COL9A1: variants seen among roughly 807,000 people sequenced by gnomAD.
COL9A1 encodes the protein collagen type IX alpha 1 chain.
In COL9A1, 104 loss-of-function variants were observed where a neutral mutation model predicts 142.6. The observed-to-expected ratio is 0.73, with a 90% CI of 0.62 to 0.86. The LOEUF is 0.86. COL9A1 is among the 40% of genes least tolerant of loss of function. The pLI, the probability that COL9A1 is intolerant of heterozygous loss-of-function variation, is 0.00. For missense variants in COL9A1, 1,210 were observed against 1,176.6 expected, an observed-to-expected ratio of 1.03 and a Z score of -0.42; for synonymous variants, 466 against 396.0, an observed-to-expected ratio of 1.18 and a Z score of -2.10.
At chr6:70,270,391 A>C (rs367774380) in intron 14 of COL9A1, 24 bp from the exon 15 acceptor site, 54 of 1,610,560 alleles carry the variant, frequency 3.4e-5, no homozygotes, top group Non-Finnish European at 4.2e-5. Context: ...AAATTGCGAC[A>C]CAGTGGTTAT....
Position 70,303,014 on chromosome 6 carries a change from T to C in COL9A1, c.-90A>G. 1 of 1,364,986 alleles carries C rather than the reference T, an allele frequency of 7.3e-7. No individual in the cohort carries two copies. The highest frequency in any genetic ancestry group is 1.0e-6 in the Non-Finnish European group (1 of 953,222). The allele number at this position is 1,364,986 out of a possible 1,614,324, so 84.6% of individuals were successfully genotyped here. A position where few individuals can be genotyped will look rare whatever the true frequency, so the allele number is the denominator to read the frequency against. ...TGTCCCCTCACGACCCCTTCACTGTTACCCTAGGACTATGTGTTCTGGGCC... is the reference window on the plus strand; with the variant it reads ...TGTCCCCTCACGACCCCTTCACTGTCACCCTAGGACTATGTGTTCTGGGCC... On this transcript the variant is annotated 5_prime_UTR_variant, in exon 1 of 38. Transcript: ENST00000357250.
At chr6:70,290,922 C>A (rs1055592369) in intron 5 of COL9A1, among the ~76,000 whole-genome samples, 1 of 152,008 alleles carries the variant, frequency 6.6e-6, no homozygotes, top group East Asian at 1.9e-4. Context: ...AAATTTCTAA[C>A]ATAGTAATAT....
chr6:70,251,088 C>T (rs78544867), intron 28 of COL9A1, among the ~76,000 whole-genome samples: 7,218 of 152,186 alleles, frequency 0.047, 358 homozygotes, highest in East Asian at 0.14. Context: ...TTCAAATGTC[C>T]ATCACCCAAT....
In COL9A1 at chr6:70,270,361, G is replaced by C; in HGVS notation, c.1150C>G (p.Pro384Ala). ...ELGRVGPVGDPGRRGPPGPPG... is the reference protein window; with the variant it reads ...ELGRVGPVGDAGRRGPPGPPG... ...GGGCCAGGTGGTCCTCTTCTCCCAG[G>C]GTCACCCTAAGTTATTTGAAAATTG... is the stretch of plus-strand genomic sequence containing the variant. Residue 384 changes from proline (P) to alanine (A), a missense_variant, in exon 15 of 38, where the codon CCT (proline) becomes GCT (alanine). Transcript: ENST00000357250. 6.2e-7 allele frequency: 1 copy of C among 1,613,432 alleles called. No homozygotes were observed. Among genetic ancestry groups the C allele is most frequent in the Non-Finnish European group, 8.5e-7 (1 of 1,179,718 alleles).
chr6:70,283,515 T>C (rs527292204), intron 6 of COL9A1, among the ~76,000 whole-genome samples: 1 of 152,194 alleles, frequency 6.6e-6, no homozygotes, highest in East Asian at 1.9e-4. Context: ...CACCCGCAGG[T>C]GGTTTCTACC....
chr6:70,229,111 C>A (rs1038024255), intron 36 of COL9A1, among the ~76,000 whole-genome samples: 7 of 152,078 alleles, frequency 4.6e-5, no homozygotes, highest in African/African-American at 1.7e-4. Context: ...GGACTAAGAC[C>A]AGTGTCTTTG....
intron 36 of COL9A1, among the ~76,000 whole-genome samples, chr6:70,232,347 C>G (rs1333352623): frequency 6.6e-6 from 1 of 152,088 alleles, no homozygotes; most frequent in African/African-American, 2.4e-5. Context: ...AAGATCAGTC[C>G]TAAAAGACAC....
intron 36 of COL9A1, among the ~76,000 whole-genome samples, chr6:70,229,600 CTGTT>C (rs550360204): frequency 1.3e-5 from 2 of 152,136 alleles, no homozygotes; most frequent in Non-Finnish European, 2.9e-5. Flanking sequence ...ATTGCAGTGT[CTGTT>C]TGATTCACAC....
intron 19 of COL9A1, among the ~76,000 whole-genome samples, chr6:70,262,121 A>T (rs556346326): frequency 7.2e-5 from 11 of 151,988 alleles, no homozygotes; most frequent in Admixed American, 5.9e-4. Flanking sequence ...CTTTTATAAA[A>T]TTTTTTTAAA....
chr6:70,259,324 G>A (rs778780863), intron 20 of COL9A1, among the ~76,000 whole-genome samples: 1 of 152,110 alleles, frequency 6.6e-6, no homozygotes, highest in Non-Finnish European at 1.5e-5. Context: ...ATTAACCATA[G>A]AAGTTATAAA....
intron 35 of COL9A1, 66 bp downstream of exon 35, chr6:70,234,473 C>T: frequency 2.0e-6 from 3 of 1,536,606 alleles, no homozygotes; most frequent in Non-Finnish European, 2.7e-6. Context: ...TGTGTATCTA[C>T]AAGAATAAAA....
intron 4 of COL9A1, among the ~76,000 whole-genome samples, chr6:70,295,913 T>C (rs1484840640): frequency 6.6e-6 from 1 of 152,194 alleles, no homozygotes; most frequent in Non-Finnish European, 1.5e-5. Flanking sequence ...CTAATGAATT[T>C]TCTGTGCTAA....
rs776065464 is a variant in COL9A1 at position 70,294,279 on chromosome 6, A to G, written c.584T>C (p.Phe195Ser). ...AGATTCAATCCTGTTGCAGTCAACAAAAAGAGTAGCACTACTCCTCTCCAC... is the reference window on the plus strand; with the variant it reads ...AGATTCAATCCTGTTGCAGTCAACAGAAAGAGTAGCACTACTCCTCTCCAC... ...IGVERSSATL[F>S]VDCNRIESLP... The change falls in exon 5 of 38, where the codon TTT becomes TCT. Residue 195 changes from phenylalanine to serine, a missense_variant. Physicochemically the swap from Phe to Ser is radical, Grantham distance 155. Transcript: ENST00000357250. 6.8e-6 allele frequency: 11 copies of G among 1,613,984 alleles called. No individual in the cohort carries two copies. The African/African-American group carries it at 1.3e-4, about 20-fold the overall frequency.
At chr6:70,260,585 T>G in intron 20 of COL9A1, 72 bp downstream of exon 20, 3 of 1,312,676 alleles carry the variant, frequency 2.3e-6, no homozygotes, top group Admixed American at 2.0e-5. Flanking sequence ...AGATAAAAAG[T>G]TATGTTTAAA....
intron 3 of COL9A1, 37 bp from the exon 4 acceptor site, chr6:70,300,212 G>A (rs1169768759): frequency 1.2e-6 from 2 of 1,612,374 alleles, no homozygotes; most frequent in East Asian, 2.2e-5. Context: ...AGTCTAAAAT[G>A]AGATTGGTTT....
intron 4 of COL9A1, among the ~76,000 whole-genome samples, chr6:70,295,484 C>G (rs547382290): frequency 6.6e-6 from 1 of 151,536 alleles, no homozygotes; most frequent in Non-Finnish European, 1.5e-5. Flanking sequence ...GATGGTGTTT[C>G]GCCATGTCAG....
chr6:70,255,336 C>T lies in COL9A1; in HGVS notation c.1557+1G>A. On this transcript the variant is annotated splice_donor_variant, in intron 22 of 37. Coordinates refer to ENST00000357250, the MANE Select transcript of COL9A1 (RefSeq NM_001851.6). LOFTEE classifies it high-confidence loss of function. ...CTTGGAGTGACTGAATTTAAACTCA[C>T]TCTATCTCCTTTGGGACCTGCTTCT... 1 of 1,614,190 alleles carries T rather than the reference C, an allele frequency of 6.2e-7. No homozygotes were observed. Among genetic ancestry groups the T allele is most frequent in the East Asian group, 2.2e-5 (1 of 44,890 alleles).
At chr6:70,254,858 G>T (rs1252018909) in intron 24 of COL9A1, 105 bp downstream of exon 24, 8 of 1,080,394 alleles carry the variant, frequency 7.4e-6, no homozygotes, top group Non-Finnish European at 1.1e-5. Context: ...AAAAGCCAAA[G>T]CTAGCTAAAT....
At chr6:70,222,686 T>C (rs1768954591) in intron 37 of COL9A1, 1 of 151,858 alleles carries the variant, frequency 6.6e-6, no homozygotes, top group Non-Finnish European at 1.5e-5. Context: ...ATGATATTAG[T>C]TACATCGTTA....
Sources: gnomAD v4.1 joint callset for allele counts (sites outside exome capture counted in the v4.1 genomes callset) on GRCh38, gnomAD v4.1.1 for gene constraint, MANE v1.5 for transcripts, NCBI Gene and HGNC (gene_info 2026-07-23, HGNC 2026-07-21) for gene names.